Variants in EXOC3L2 observed in about 807,000 individuals in gnomAD.
EXOC3L2 encodes the protein exocyst complex component 3 like 2.
EXOC3L2 carries 17 observed loss-of-function variants against 44.4 expected under a neutral mutation model. The ratio of observed to expected loss-of-function variants is 0.38; its 90% CI spans 0.26 to 0.57. The LOEUF (loss-of-function observed/expected upper bound fraction) is 0.57. EXOC3L2 is among the 20% of genes least tolerant of loss of function. The pLI is 0.65. For missense variants in EXOC3L2, 541 were observed against 588.4 expected, an observed-to-expected ratio of 0.92 and a Z score of 0.83; for synonymous variants, 256 against 253.7, an observed-to-expected ratio of 1.01 and a Z score of -0.09.
chr19:45,224,540 T>C lies in EXOC3L2; in HGVS notation c.1719+238A>G, dbSNP rs970349856. ...TGAGCAGGGATCTGGGGGACCTCAGTGGGGAGGGGCTCCATCCAAACCTCA... is the reference window on the plus strand; with the variant it reads ...TGAGCAGGGATCTGGGGGACCTCAGCGGGGAGGGGCTCCATCCAAACCTCA... On this transcript the variant is annotated intron_variant, in intron 8 of 11. Coordinates refer to ENST00000413988, the MANE Select transcript of EXOC3L2 (RefSeq NM_001382422.1). Among the ~76,000 whole-genome samples, 4 of 151,720 alleles carry C rather than the reference T, an allele frequency of 2.6e-5. No individual in the cohort carries two copies. The South Asian group carries it at 8.3e-4, about 32-fold the overall frequency.
intron 8 of EXOC3L2, among the ~76,000 whole-genome samples, chr19:45,222,393 G>T (rs1568480787): frequency 6.6e-6 from 1 of 151,974 alleles, no homozygotes; most frequent in Non-Finnish European, 1.5e-5. Flanking sequence ...TAGAGACGGG[G>T]TTTCACCATG....
chr19:45,214,861 C>T (rs958801740), intron 11 of EXOC3L2, among the ~76,000 whole-genome samples: 2 of 152,046 alleles, frequency 1.3e-5, no homozygotes, highest in African/African-American at 2.4e-5. Context: ...TTTAATTATA[C>T]CCCTTACTTA....
At chr19:45,237,562 G>A (rs886525598) in intron 2 of EXOC3L2, among the ~76,000 whole-genome samples, 10 of 152,294 alleles carry the variant, frequency 6.6e-5, no homozygotes, top group African/African-American at 2.4e-4. Flanking sequence ...GCATACGGAT[G>A]TGTCTCAGAT....
chr19:45,220,066 G>T (rs150780410), intron 8 of EXOC3L2, among the ~76,000 whole-genome samples: 2 of 152,044 alleles, frequency 1.3e-5, no homozygotes, highest in Non-Finnish European at 1.5e-5. Context: ...CCAGCTACTC[G>T]GGAGGCTGAG....
chr19:45,219,413 A>AAAAG (rs1404154051), intron 8 of EXOC3L2, among the ~76,000 whole-genome samples: 1 of 150,668 alleles, frequency 6.6e-6, no homozygotes, highest in Non-Finnish European at 1.5e-5. Flanking sequence ...AAAAAAAAAA[A>AAAAG]AGAGAAAAAG....
intron 8 of EXOC3L2, among the ~76,000 whole-genome samples, chr19:45,222,798 C>T (rs1203207159): frequency 1.3e-5 from 2 of 152,198 alleles, no homozygotes; most frequent in African/African-American, 4.8e-5. Context: ...CGTAGATTCG[C>T]AATGGGCTTT....
intron 4 of EXOC3L2, among the ~76,000 whole-genome samples, chr19:45,230,999 A>C (rs1970025569): frequency 6.6e-6 from 1 of 151,962 alleles, no homozygotes; most frequent in Non-Finnish European, 1.5e-5. Flanking sequence ...TGAGGTGGGA[A>C]GATCCCTTGA....
chr19:45,222,276 T>C (rs1197168818), intron 8 of EXOC3L2, among the ~76,000 whole-genome samples: 3 of 151,172 alleles, frequency 2.0e-5, no homozygotes, highest in Non-Finnish European at 2.9e-5. Flanking sequence ...CTCATTTCAT[T>C]GCAACCTCTG....
chr19:45,223,706 T>G (rs111691933), intron 8 of EXOC3L2, among the ~76,000 whole-genome samples: 13,172 of 149,784 alleles, frequency 0.088, 766 homozygotes, highest in African/African-American at 0.16. Flanking sequence ...GAGTCAAGAC[T>G]TGAGGCAGGG....
At chr19:45,226,068 C>T (rs1969956775) in intron 7 of EXOC3L2, among the ~76,000 whole-genome samples, 1 of 152,102 alleles carries the variant, frequency 6.6e-6, no homozygotes, top group Non-Finnish European at 1.5e-5. Context: ...AACTGGATTC[C>T]ACTGCTTAGC....
In EXOC3L2 at chr19:45,217,522, A is replaced by G; in HGVS notation, c.1998+6T>C. 1 of 1,574,344 alleles carries G rather than the reference A, an allele frequency of 6.4e-7. No individual in the cohort carries two copies. The highest frequency in any genetic ancestry group is 8.6e-7 in the Non-Finnish European group (1 of 1,167,712). On this transcript the variant is annotated splice_donor_region_variant and intron_variant, in intron 10 of 11. Coordinates refer to ENST00000413988, the MANE Select transcript of EXOC3L2 (RefSeq NM_001382422.1). ...GAAACACCCCCAACCGCGTCCCGAC[A>G]CTGACCAGCCGCCGGAACAGCCTCT...
chr19:45,220,725 C>T (rs1452437703), intron 8 of EXOC3L2, among the ~76,000 whole-genome samples: 1 of 151,666 alleles, frequency 6.6e-6, no homozygotes, highest in Non-Finnish European at 1.5e-5. Context: ...GGGAGAAGCC[C>T]CAGCTTTCTC....
chr19:45,224,644 TA>T lies in EXOC3L2; in HGVS notation c.1719+133del. On this transcript the variant is annotated intron_variant, in intron 8 of 11. Transcript: ENST00000413988. Reference sequence around the variant, plus strand: ...TCCACCAACAGCCCAGGCATGGCCTTAACTGCCCCTGCCCCCCGCCCCTGTC... The same window carrying T: ...TCCACCAACAGCCCAGGCATGGCCTTACTGCCCCTGCCCCCCGCCCCTGTC... 3.9e-6 allele frequency: 5 copies of T among 1,274,326 alleles called. No individual in the cohort carries two copies. The South Asian group carries it at 6.6e-5, about 17-fold the overall frequency. The allele number at this position is 1,274,326 out of a possible 1,614,324, so 78.9% of individuals were successfully genotyped here.
At position 45,234,693 on chromosome 19, in the gene EXOC3L2, G is replaced by A. The variant is rs1300844905; in HGVS notation, c.657C>T (p.Gly219=). The part of the protein sequence containing the change: ...APGPPKAEGA[G]GGRRARDVAL... ...CCACGTCCCGCGCCCGGCGGCCCCC[G>A]CCAGCGCCCTCGGCCTTGGGAGGCC... is the stretch of plus-strand genomic sequence containing the variant. Residue 219 remains glycine (G), a synonymous_variant, in exon 3 of 12, where the codon GGC becomes GGT. Coordinates refer to ENST00000413988, the MANE Select transcript of EXOC3L2 (RefSeq NM_001382422.1). This position sits in a 1 kb window ranked among gnomAD's most constrained non-coding sequence, Gnocchi z 5.0. The A allele has an allele frequency of 1.3e-5, 5 of 385,446 alleles. No individual in the cohort carries two copies. The highest frequency in any genetic ancestry group is 2.3e-5 in the Non-Finnish European group (5 of 217,726). 23.9% of individuals were successfully genotyped at this position (385,446 alleles called of 1,614,324 possible). A position where few individuals can be genotyped will look rare whatever the true frequency, so the allele number is the denominator to read the frequency against.
At chr19:45,220,284 T>TAA (rs1969882862) in intron 8 of EXOC3L2, among the ~76,000 whole-genome samples, 1 of 151,880 alleles carries the variant, frequency 6.6e-6, no homozygotes, top group South Asian at 2.1e-4. Context: ...GGCAACATAG[T>TAA]AAGACTCCCT....
chr19:45,216,090 G>C lies in EXOC3L2; in HGVS notation c.2103C>G (p.Arg701=), dbSNP rs141938500. 2.5e-6 allele frequency: 4 copies of C among 1,613,836 alleles called. No homozygotes were observed. Among genetic ancestry groups the C allele is most frequent in the South Asian group, 2.2e-5 (2 of 91,066 alleles). The part of the protein sequence containing the change: ...SIQVEVGVLV[R]DYPDIRQKHV... The stretch of plus-strand genomic sequence containing the variant: ...TGTCTCACCTGATGTCTGGGTAGTC[G>C]CGCACCAACACTCCCACCTCCACCT... The change falls in exon 11 of 12, where the codon CGC becomes CGG. Residue 701 remains arginine, a synonymous_variant. Coordinates refer to ENST00000413988, the MANE Select transcript of EXOC3L2 (RefSeq NM_001382422.1).
At chr19:45,227,880 G>A in intron 6 of EXOC3L2, 94 bp downstream of exon 6, 2 of 1,515,504 alleles carry the variant, frequency 1.3e-6, no homozygotes, top group South Asian at 1.2e-5. Flanking sequence ...CCTGTCCTCA[G>A]GTGACTCCCT....
intron 8 of EXOC3L2, among the ~76,000 whole-genome samples, chr19:45,219,390 T>A: frequency 1.1e-5 from 1 of 89,182 alleles, no homozygotes; most frequent in African/African-American, 6.6e-5. Flanking sequence ...GGAGGCCCCG[T>A]CTCAAAAAAA....
At chr19:45,219,324 G>A (rs945039711) in intron 8 of EXOC3L2, among the ~76,000 whole-genome samples, 1 of 145,044 alleles carries the variant, frequency 6.9e-6, no homozygotes, top group Non-Finnish European at 1.5e-5. Context: ...GAGCCCAGGA[G>A]TTCAGGCTGC....
Sources: gnomAD v4.1 joint callset for allele counts (sites outside exome capture counted in the v4.1 genomes callset) on GRCh38, gnomAD v4.1.1 for gene constraint, Gnocchi (gnomAD v3.1) non-coding constraint, MANE v1.5 for transcripts, NCBI Gene and HGNC (gene_info 2026-07-23, HGNC 2026-07-21) for gene names.